The following ATG5 variants were observed in gnomAD, a reference collection of about 807,000 sequenced individuals.
The protein encoded by ATG5 is autophagy related 5, also known as autophagy protein 5.
Under a neutral mutation model 36.5 loss-of-function variants are expected in ATG5, and 14 were observed. The ratio of observed to expected loss-of-function variants is 0.38; its 90% confidence interval spans 0.25 to 0.60. The LOEUF (loss-of-function observed/expected upper bound fraction) is 0.60, where lower values mean the gene tolerates loss of function less well. Ranked by LOEUF, ATG5 falls within the 20% of genes least tolerant of loss-of-function variation. The pLI, the probability that ATG5 is intolerant of heterozygous loss-of-function variation, is 0.60. For missense variants in ATG5, 195 were observed against 326.7 expected (o/e 0.60, Z 3.11); for synonymous variants, 95 against 101.5 (o/e 0.94, Z 0.38).
intron 4 of ATG5, among the ~76,000 whole-genome samples, chr6:106,287,899 G>T (rs543816636): frequency 6.6e-6 from 1 of 151,594 alleles, no homozygotes; most frequent in South Asian, 2.1e-4. Flanking sequence ...GAGAGAAAAC[G>T]CAAAGGTGGC....
intron 5 of ATG5, among the ~76,000 whole-genome samples, chr6:106,274,309 G>A (rs1779562646): frequency 6.6e-6 from 1 of 151,932 alleles, no homozygotes; most frequent in Admixed American, 6.5e-5. Context: ...TCACAGAGAG[G>A]TTAAATATTT....
intron 7 of ATG5, among the ~76,000 whole-genome samples, chr6:106,192,977 G>A (rs147387557): frequency 6.6e-6 from 1 of 152,176 alleles, no homozygotes; most frequent in East Asian, 1.9e-4. Flanking sequence ...GGAGGTAATA[G>A]TCAGCGAGGT....
At chr6:106,314,741 C>T (rs1340714195) in intron 2 of ATG5, among the ~76,000 whole-genome samples, 1 of 151,938 alleles carries the variant, frequency 6.6e-6, no homozygotes, top group Non-Finnish European at 1.5e-5. Context: ...AAAATGGTAT[C>T]CTAACCTATA....
chr6:106,306,905 C>T (rs1384161167), intron 3 of ATG5, among the ~76,000 whole-genome samples: 1 of 152,136 alleles, frequency 6.6e-6, no homozygotes, highest in African/African-American at 2.4e-5. Flanking sequence ...AGGTCTAGAA[C>T]TACACAAGAA....
In ATG5 at chr6:106,280,497, A is replaced by T. The variant is rs1379566708; in HGVS notation, c.316-674T>A. ...TCAATTAGACCTCAATAAAGCTGTT[A>T]AAAAAGTAGATTTTAAAGTCAAATA... On this transcript the variant is annotated intron_variant, in intron 4 of 7. Transcript: ENST00000369076. 2.0e-5 allele frequency among the ~76,000 whole-genome samples: 3 copies of T among 152,234 alleles called. No individual in the cohort carries two copies. In the East Asian group the frequency reaches 5.8e-4, roughly 29 times the overall value.
chr6:106,302,652 G>A (rs978866969), intron 3 of ATG5, among the ~76,000 whole-genome samples: 8 of 151,836 alleles, frequency 5.3e-5, no homozygotes, highest in East Asian at 1.9e-4. Context: ...GAGTGGAGAC[G>A]AACATCAACA....
intron 3 of ATG5, among the ~76,000 whole-genome samples, chr6:106,300,915 AAAGTT>A (rs1216246511): frequency 6.6e-6 from 1 of 151,552 alleles, no homozygotes; most frequent in Non-Finnish European, 1.5e-5. Flanking sequence ...ATTTCCCATT[AAAGTT>A]ATTTATTTTA....
At chr6:106,313,592 C>T (rs1770735511) in intron 2 of ATG5, among the ~76,000 whole-genome samples, 1 of 152,152 alleles carries the variant, frequency 6.6e-6, no homozygotes, top group Admixed American at 6.5e-5. Flanking sequence ...CTAGTTTCTA[C>T]AAATTTCCTT....
In ATG5 at chr6:106,209,705, T is replaced by C. The variant is rs1236116268; in HGVS notation, c.574-7616A>G. 8.5e-5 allele frequency among the ~76,000 whole-genome samples: 13 copies of C among 152,200 alleles called. No homozygotes were observed. In the East Asian group the frequency reaches 2.3e-3, roughly 27 times the overall value. On this transcript the variant is annotated intron_variant, in intron 6 of 7. Coordinates refer to ENST00000369076, the MANE Select transcript of ATG5 (RefSeq NM_004849.4). ...AGGAAATCTGAGTAAGGTTTGTGGA[T>C]TATATTAATACAATTTCCTGGTTGT...
At chr6:106,276,442 C>A (rs558855328) in intron 5 of ATG5, among the ~76,000 whole-genome samples, 2 of 141,224 alleles carry the variant, frequency 1.4e-5, no homozygotes, top group South Asian at 2.2e-4. Context: ...CCAGCCTGGG[C>A]GACAGAGCGA....
At chr6:106,230,562 G>A (rs149503427) in intron 6 of ATG5, among the ~76,000 whole-genome samples, 39 of 152,238 alleles carry the variant, frequency 2.6e-4, no homozygotes, top group African/African-American at 8.2e-4. Flanking sequence ...TACACACCCC[G>A]GAAAGGAATA....
At chr6:106,220,620 G>C (rs1329260186) in intron 6 of ATG5, among the ~76,000 whole-genome samples, 1 of 152,008 alleles carries the variant, frequency 6.6e-6, no homozygotes, top group African/African-American at 2.4e-5. Context: ...TATTTTAAAA[G>C]TATGAGTAAT....
At chr6:106,294,885 G>A (rs1001297680) in intron 3 of ATG5, among the ~76,000 whole-genome samples, 3 of 148,252 alleles carry the variant, frequency 2.0e-5, no homozygotes, top group Admixed American at 1.3e-4. Context: ...ACGCCCGGTC[G>A]GTAAAAATAA....
intron 7 of ATG5, among the ~76,000 whole-genome samples, chr6:106,195,802 C>A (rs1485299130): frequency 7.6e-6 from 1 of 131,886 alleles, no homozygotes; most frequent in African/African-American, 3.0e-5. Flanking sequence ...CCTCACTGCT[C>A]CCCTCTAAAA....
intron 4 of ATG5, among the ~76,000 whole-genome samples, chr6:106,284,647 A>C (rs1780005834): frequency 6.6e-6 from 1 of 151,504 alleles, no homozygotes; most frequent in Non-Finnish European, 1.5e-5. Context: ...GAGCCACCAC[A>C]CCCAGCCTTG....
intron 5 of ATG5, among the ~76,000 whole-genome samples, chr6:106,278,718 A>C (rs972781330): frequency 6.6e-6 from 1 of 152,008 alleles, no homozygotes; most frequent in Non-Finnish European, 1.5e-5. Flanking sequence ...CCCTTTTTTC[A>C]ATTATCCATT....
At chr6:106,308,316 A>C (rs1048614983) in intron 3 of ATG5, 48 bp downstream of exon 3, 1 of 1,434,120 alleles carries the variant, frequency 7.0e-7, no homozygotes, top group African/African-American at 1.5e-5. Context: ...ATACCTTTTT[A>C]AAGCTAGTAT....
intron 6 of ATG5, among the ~76,000 whole-genome samples, chr6:106,214,286 A>G (rs749961408): frequency 3.3e-5 from 5 of 152,146 alleles, no homozygotes; most frequent in Non-Finnish European, 7.4e-5. Context: ...TACAGTAAAC[A>G]GTCTTTTGGT....
At chr6:106,210,291 T>C (rs913035771) in intron 6 of ATG5, among the ~76,000 whole-genome samples, 10 of 152,336 alleles carry the variant, frequency 6.6e-5, no homozygotes, top group Admixed American at 1.3e-4. Flanking sequence ...AAGTAATGTT[T>C]ATAATACTGG....
Sources: allele counts gnomAD v4.1 joint callset (sites outside exome capture counted in the v4.1 genomes callset), GRCh38; gene constraint gnomAD v4.1.1; transcripts MANE v1.5; gene names NCBI Gene and HGNC (gene_info 2026-07-23, HGNC 2026-07-21).